PLD2: variants seen among roughly 807,000 people sequenced by gnomAD.
PLD2 encodes the protein choline phosphatase 2.
In PLD2, 101 loss-of-function variants were observed where a neutral mutation model predicts 119.8. That is an observed-to-expected ratio of 0.84 (90% confidence interval 0.72 to 0.99). The LOEUF is 0.99. Among genes scored for constraint, PLD2 ranks in the 50% least tolerant of loss-of-function variants. The pLI is 0.00. For missense variants in PLD2, 1,164 were observed against 1,226.8 expected (o/e 0.95, Z 0.76); for synonymous variants, 494 against 482.8 (o/e 1.02, Z -0.30).
chr17:4,810,707 G>A (rs941707402), intron 9 of PLD2, 95 bp from the exon 10 acceptor site: 2 of 1,160,456 alleles, frequency 1.7e-6, no homozygotes, highest in Admixed American at 2.8e-5. Flanking sequence ...GTTGTGATTA[G>A]GGACTAAGGG....
chr17:4,811,195 A>G (rs1236231840), intron 10 of PLD2, among the ~76,000 whole-genome samples: 1 of 151,184 alleles, frequency 6.6e-6, no homozygotes, highest in Non-Finnish European at 1.5e-5. Context: ...CTAACCTCCT[A>G]TAACCTTTTA....
chr17:4,810,704 T>G, intron 9 of PLD2, 98 bp from the exon 10 acceptor site: 1 of 1,158,816 alleles, frequency 8.6e-7, no homozygotes, highest in Non-Finnish European at 1.2e-6. Context: ...GCAGTTGTGA[T>G]TAGGGACTAA....
At position 4,808,053 on chromosome 17, in the gene PLD2, C is replaced by T. The variant is rs1268937904; in HGVS notation, c.179C>T (p.Ala60Val). ...QSLKVHPLVFAPGVPVTAQVV... is the reference protein window; with the variant it reads ...QSLKVHPLVFVPGVPVTAQVV... ...CTGAAAGTGCACCCCTTGGTGTTCG[C>T]ACCTGGGGTCCCTGTCACAGCCCAG... The change falls in exon 3 of 25, where the codon GCA (alanine) becomes GTA (valine). Residue 60 changes from alanine (A) to valine (V), a missense_variant. Physicochemically the swap from Ala to Val is moderately conservative, Grantham distance 64. Transcript: ENST00000263088. The surrounding 1 kb of genome is among the most constrained non-coding windows in gnomAD (Gnocchi z 4.1). 1 of 1,612,386 alleles carries T rather than the reference C, an allele frequency of 6.2e-7. No individual in the cohort carries two copies. The highest frequency in any genetic ancestry group is 8.5e-7 in the Non-Finnish European group (1 of 1,178,590).
intron 24 of PLD2, 41 bp downstream of exon 24, chr17:4,821,948 A>G (rs1907719934): frequency 1.5e-6 from 2 of 1,299,428 alleles, no homozygotes; most frequent in South Asian, 1.2e-5. Flanking sequence ...GCCTGGGGAA[A>G]TTTGTGGATT....
At chr17:4,817,523 G>A (rs898607742) in intron 17 of PLD2, 26 of 470,682 alleles carry the variant, frequency 5.5e-5, no homozygotes, top group Non-Finnish European at 8.2e-5. Flanking sequence ...TTAGCCGGGC[G>A]TGGTGGTGCG....
chr17:4,813,484 C>T (rs1004378703), intron 10 of PLD2, among the ~76,000 whole-genome samples: 5 of 152,208 alleles, frequency 3.3e-5, no homozygotes, highest in Non-Finnish European at 1.5e-5. Context: ...CAACATTTGC[C>T]TAGGCATTGT....
chr17:4,811,071 G>A (rs982118296), intron 10 of PLD2, 120 bp downstream of exon 10: 15 of 922,194 alleles, frequency 1.6e-5, no homozygotes, highest in African/African-American at 3.3e-5. Context: ...GACCCGCCCC[G>A]TGACTTCTTT....
Position 4,807,809 on chromosome 17 carries a change from G to A in PLD2, c.37G>A (p.Asp13Asn). 6.2e-7 allele frequency: 1 copy of A among 1,612,298 alleles called. No individual in the cohort carries two copies. Among genetic ancestry groups the A allele is most frequent in the East Asian group, 2.2e-5 (1 of 44,856 alleles). ...CCCTGAGAGCCTCTTCCCCACTGGG[G>A]ACGAACTGGACTCCAGCCAGCTCCA... Reference protein sequence around the residue: ...ATPESLFPTGDELDSSQLQME... With the variant: ...ATPESLFPTGNELDSSQLQME... The change falls in exon 2 of 25, where the codon GAC becomes AAC. Residue 13 changes from aspartate (D) to asparagine (N), a missense_variant. Physicochemically the swap from Asp to Asn is conservative, Grantham distance 23. Transcript: ENST00000263088. The surrounding 1 kb of genome is among the most constrained non-coding windows in gnomAD (Gnocchi z 5.4).
At chr17:4,813,493 G>C (rs535729120) in intron 10 of PLD2, among the ~76,000 whole-genome samples, 2 of 152,308 alleles carry the variant, frequency 1.3e-5, no homozygotes, top group East Asian at 1.9e-4. Context: ...CCTAGGCATT[G>C]TATTAGATGT....
chr17:4,816,351 C>A (rs897602089), intron 14 of PLD2, among the ~76,000 whole-genome samples: 12 of 151,350 alleles, frequency 7.9e-5, no homozygotes, highest in African/African-American at 2.9e-4. Context: ...CCATTGTACT[C>A]CACCCTGGGC....
chr17:4,811,829 G>T (rs1213135154), intron 10 of PLD2, among the ~76,000 whole-genome samples: 2 of 151,974 alleles, frequency 1.3e-5, no homozygotes, highest in Non-Finnish European at 2.9e-5. Flanking sequence ...GTTGGTTTTT[G>T]TTGGAGACAG....
In PLD2 at chr17:4,814,618, T is replaced by A; in HGVS notation, c.1095-15T>A. ...GGGGCTTCGTTTGCCCCTAATCCAC[T>A]GCCCTGAATCCCAGGTTGAGTCCTG... On this transcript the variant is annotated splice_polypyrimidine_tract_variant and intron_variant, in intron 11 of 24. Transcript: ENST00000263088. 6.2e-7 allele frequency: 1 copy of A among 1,614,072 alleles called. No individual in the cohort carries two copies. Among genetic ancestry groups the A allele is most frequent in the Non-Finnish European group, 8.5e-7 (1 of 1,179,984 alleles).
rs991728546 is a variant in PLD2, at chr17:4,816,610, C to T, written c.1456-10C>T. 6.2e-7 allele frequency: 1 copy of T among 1,613,068 alleles called. No individual in the cohort carries two copies. Among genetic ancestry groups the T allele is most frequent in the African/African-American group, 1.3e-5 (1 of 74,860 alleles). On this transcript the variant is annotated splice_polypyrimidine_tract_variant and intron_variant, in intron 14 of 24. Coordinates refer to ENST00000263088, the MANE Select transcript of PLD2 (RefSeq NM_002663.5). ...CCCTTGCCCCTGGCTTGGGTGTGTT[C>T]CCCCTACAGCCTCCCACCCCGCGCC...
chr17:4,816,002 C>T, intron 14 of PLD2, 68 bp downstream of exon 14: 4 of 1,172,462 alleles, frequency 3.4e-6, no homozygotes, highest in Non-Finnish European at 5.1e-6. Context: ...CATTTCCCAG[C>T]TCCAGCCTTA....
At chr17:4,821,033 G>C (rs2150681765) in intron 23 of PLD2, among the ~76,000 whole-genome samples, 1 of 151,724 alleles carries the variant, frequency 6.6e-6, no homozygotes, top group East Asian at 2.0e-4. Flanking sequence ...CTCCCGAGTA[G>C]CTGGGATTAC....
chr17:4,812,484 A>G (rs199576830), intron 10 of PLD2, among the ~76,000 whole-genome samples: 4 of 151,944 alleles, frequency 2.6e-5, no homozygotes, highest in African/African-American at 9.7e-5. Context: ...TAGTAGAGCC[A>G]GGGTTTCACC....
chr17:4,810,159 T>G (rs1906313415), intron 9 of PLD2, 130 bp downstream of exon 9: 1 of 935,468 alleles, frequency 1.1e-6, no homozygotes, highest in South Asian at 1.6e-5. Flanking sequence ...GACATAGTTT[T>G]GAACCAGGAA....
rs747892207 is a variant in PLD2 at position 4,810,926 on chromosome 17, C to A, written c.985C>A (p.Pro329Thr). The A allele has an allele frequency of 1.1e-5, 18 of 1,612,576 alleles. No individual in the cohort carries two copies. The East Asian group carries it at 3.6e-4, about 32-fold the overall frequency. ...QLHRHDSYAP[P>T]RPGTLARWFV... ...GCACCGGCATGACAGCTACGCCCCA[C>A]CCCGGCCTGGGACCTTGGCCCGGTG... The change falls in exon 10 of 25, where the codon CCC (proline) becomes ACC (threonine). Residue 329 changes from proline (P) to threonine (T), a missense_variant. Physicochemically the swap from Pro to Thr is conservative, Grantham distance 38. Coordinates refer to ENST00000263088, the MANE Select transcript of PLD2 (RefSeq NM_002663.5).
rs1906796377 is a variant in PLD2, at chr17:4,814,688, G to A, written c.1150G>A (p.Asp384Asn). The change falls in exon 12 of 25, where the codon GAC becomes AAC. Residue 384 changes from aspartate to asparagine, a missense_variant. Coordinates refer to ENST00000263088, the MANE Select transcript of PLD2 (RefSeq NM_002663.5). Reference protein sequence around the residue: ...RPAHSDDWRLDIMLKRKAEEG... With the variant: ...RPAHSDDWRLNIMLKRKAEEG... ...GGCCCATTCAGATGACTGGAGACTG[G>A]ACATTATGCTCAAGAGGAAGGCGGT... 4 of 1,613,982 alleles carry A rather than the reference G, an allele frequency of 2.5e-6. No individual in the cohort carries two copies. Among genetic ancestry groups the A allele is most frequent in the Non-Finnish European group, 3.4e-6 (4 of 1,180,036 alleles).
Sources: allele counts gnomAD v4.1 joint callset (sites outside exome capture counted in the v4.1 genomes callset), GRCh38; gene constraint gnomAD v4.1.1; non-coding constraint Gnocchi (gnomAD v3.1); transcripts MANE v1.5; gene names NCBI Gene and HGNC (gene_info 2026-07-23, HGNC 2026-07-21).